Variants in STK24 observed in about 807,000 individuals in gnomAD.
The protein encoded by STK24 is serine/threonine-protein kinase 24.
A neutral mutation model predicts 55.6 loss-of-function variants in STK24; 21 were observed. The observed-to-expected ratio is 0.38, with a 90% CI of 0.27 to 0.54. STK24 has a LOEUF of 0.54. STK24 is among the 20% of genes least tolerant of loss of function. The probability of loss-of-function intolerance (pLI) is 0.79; values close to 1 mark genes in which losing one functional copy is unlikely to be tolerated. For missense variants in STK24, 383 were observed against 538.4 expected (o/e 0.71, Z 2.86); for synonymous variants, 200 against 215.2 (o/e 0.93, Z 0.62).
rs564228328 is a variant in STK24, at chr13:98,450,882, G to T, written c.*2291C>A. 2 of 152,188 alleles carry T rather than the reference G, an allele frequency of 1.3e-5. No homozygotes were observed. The highest frequency in any genetic ancestry group is 2.9e-5 in the Non-Finnish European group (2 of 68,034). The allele number at this position is 152,188 out of a possible 1,614,324, so 9.4% of individuals were successfully genotyped here. On this transcript the variant is annotated 3_prime_UTR_variant, in exon 11 of 11. Coordinates refer to ENST00000539966, the MANE Select transcript of STK24 (RefSeq NM_001032296.4). Reference sequence around the variant, plus strand: ...GGCTGATTTTGTGCGTCTACAGAAAGTAACAGCCCAGGAGAGAATGTACAC... The same window carrying T: ...GGCTGATTTTGTGCGTCTACAGAAATTAACAGCCCAGGAGAGAATGTACAC...
chr13:98,526,569 A>G (rs566055937), intron 1 of STK24, among the ~76,000 whole-genome samples: 1 of 152,322 alleles, frequency 6.6e-6, no homozygotes, highest in African/African-American at 2.4e-5. Flanking sequence ...TCACTGTACT[A>G]GGCTTGGGAC....
intron 5 of STK24, among the ~76,000 whole-genome samples, chr13:98,472,098 AG>A (rs1281704977): frequency 6.6e-6 from 1 of 152,206 alleles, no homozygotes; most frequent in Non-Finnish European, 1.5e-5. Context: ...GCAGCCAGGA[AG>A]AGCGCCCTTA....
intron 1 of STK24, among the ~76,000 whole-genome samples, chr13:98,529,700 A>C (rs1896531934): frequency 6.6e-6 from 1 of 151,932 alleles, no homozygotes; most frequent in East Asian, 1.9e-4. Flanking sequence ...CAAACCACCA[A>C]ACAGGGGGGT....
At chr13:98,474,542 C>G (rs1046290237) in intron 5 of STK24, among the ~76,000 whole-genome samples, 4 of 152,192 alleles carry the variant, frequency 2.6e-5, no homozygotes, top group Non-Finnish European at 4.4e-5. Flanking sequence ...TCCCACCCCC[C>G]TCCAAACCCG....
chr13:98,466,654 T>C (rs1893936782), intron 5 of STK24, 93 bp from the exon 6 acceptor site: 1 of 1,372,332 alleles, frequency 7.3e-7, no homozygotes, highest in African/African-American at 1.5e-5. Flanking sequence ...TCTCAATACT[T>C]CTGAGGTTTT....
At chr13:98,456,269 G>A (rs1893449542) in intron 10 of STK24, 1 of 348,242 alleles carries the variant, frequency 2.9e-6, no homozygotes, top group African/African-American at 2.2e-5. Context: ...GACCTCACGT[G>A]TGCAAAACTT....
At chr13:98,520,275 G>C (rs1485442475) in intron 1 of STK24, among the ~76,000 whole-genome samples, 2 of 152,194 alleles carry the variant, frequency 1.3e-5, no homozygotes, top group African/African-American at 2.4e-5. Context: ...GTTTAGCAAG[G>C]CAAGACAGGG....
intron 1 of STK24, among the ~76,000 whole-genome samples, chr13:98,523,975 C>A (rs1263142409): frequency 6.6e-6 from 1 of 152,160 alleles, no homozygotes; most frequent in Admixed American, 6.5e-5. Context: ...TCTGTGGCCG[C>A]CCCACTCTTC....
intron 2 of STK24, among the ~76,000 whole-genome samples, chr13:98,494,430 T>G (rs1017428224): frequency 2.1e-4 from 12 of 57,688 alleles, no homozygotes; most frequent in South Asian, 4.6e-4. Context: ...AAAAAAAAAG[T>G]GCCTCTAACA....
At chr13:98,568,054 C>CA (rs1300959695) in intron 1 of STK24, among the ~76,000 whole-genome samples, 7 of 151,204 alleles carry the variant, frequency 4.6e-5, no homozygotes, top group Admixed American at 2.6e-4. Flanking sequence ...GGCTGGAGTG[C>CA]AATGGCGCGA....
At chr13:98,472,762 G>T (rs1487214611) in intron 5 of STK24, among the ~76,000 whole-genome samples, 1 of 152,156 alleles carries the variant, frequency 6.6e-6, no homozygotes, top group East Asian at 1.9e-4. Flanking sequence ...CAACCTCTTT[G>T]ACTTATGGGT....
chr13:98,562,903 G>A (rs1335400305), intron 1 of STK24, among the ~76,000 whole-genome samples: 1 of 140,222 alleles, frequency 7.1e-6, no homozygotes, highest in Non-Finnish European at 1.5e-5. Flanking sequence ...GCAACAGAGT[G>A]AGACTCCCTC....
chr13:98,483,314 T>C (rs775750150), intron 2 of STK24, among the ~76,000 whole-genome samples: 1 of 151,082 alleles, frequency 6.6e-6, no homozygotes, highest in Non-Finnish European at 1.5e-5. Flanking sequence ...AGAGTTTGGG[T>C]TCACAGTGGG....
chr13:98,505,187 A>G (rs574445764), intron 2 of STK24: 2 of 152,384 alleles, frequency 1.3e-5, no homozygotes, highest in African/African-American at 2.4e-5. Context: ...CAGATCCACC[A>G]AGGTATAAAG....
At chr13:98,561,425 A>T (rs1897415318) in intron 1 of STK24, among the ~76,000 whole-genome samples, 2 of 151,946 alleles carry the variant, frequency 1.3e-5, no homozygotes, top group African/African-American at 4.8e-5. Context: ...TCTACCAAAA[A>T]TACAAGCATT....
chr13:98,469,534 T>TCCCCC (rs1555302507), intron 5 of STK24, among the ~76,000 whole-genome samples: 2 of 126,332 alleles, frequency 1.6e-5, no homozygotes, highest in African/African-American at 5.6e-5. Flanking sequence ...AGACCCTGCA[T>TCCCCC]CCCCCCCCCC....
At chr13:98,516,289 T>C (rs1896055787) in intron 2 of STK24, among the ~76,000 whole-genome samples, 1 of 152,240 alleles carries the variant, frequency 6.6e-6, no homozygotes, top group Non-Finnish European at 1.5e-5. Context: ...GGCCACGTTC[T>C]TCCAGGCATT....
chr13:98,468,414 G>A (rs1232391124), intron 5 of STK24, among the ~76,000 whole-genome samples: 1 of 152,220 alleles, frequency 6.6e-6, no homozygotes, highest in East Asian at 1.9e-4. Context: ...CCAGTCTCTT[G>A]CCCCTAGGAG....
intron 2 of STK24, among the ~76,000 whole-genome samples, chr13:98,484,969 A>G (rs1894750778): frequency 6.6e-6 from 1 of 152,180 alleles, no homozygotes; most frequent in South Asian, 2.1e-4. Context: ...AACCAGCTCA[A>G]GTCCTTATTG....
Sources: gnomAD v4.1 joint callset for allele counts (sites outside exome capture counted in the v4.1 genomes callset) on GRCh38, gnomAD v4.1.1 for gene constraint, MANE v1.5 for transcripts, NCBI Gene and HGNC (gene_info 2026-07-23, HGNC 2026-07-21) for gene names.